Variants in CLDN14 observed in about 807,000 individuals in gnomAD.
CLDN14 encodes the protein claudin 14, also known as claudin-14.
Under a neutral mutation model 2.1 loss-of-function variants are expected in CLDN14, and 2 were observed. That is an observed-to-expected ratio of 0.96 (90% CI 0.39 to 3.01). CLDN14 has a LOEUF of 3.01. Ranked by LOEUF, CLDN14 falls within the 30% of genes most tolerant of loss-of-function variation. The pLI is 0.09. For missense variants in CLDN14, 298 were observed against 328.0 expected, an observed-to-expected ratio of 0.91 and a Z score of 0.71; for synonymous variants, 136 against 154.4, an observed-to-expected ratio of 0.88 and a Z score of 0.88.
At chr21:36,504,336 C>A (rs1437848945) in intron 2 of CLDN14, among the ~76,000 whole-genome samples, 1 of 151,848 alleles carries the variant, frequency 6.6e-6, no homozygotes, top group African/African-American at 2.4e-5. Context: ...AAGTTAAAAA[C>A]AAGAAAAAAA....
chr21:36,556,072 C>T (rs975021008), intron 1 of CLDN14, among the ~76,000 whole-genome samples: 3 of 152,094 alleles, frequency 2.0e-5, no homozygotes, highest in Admixed American at 6.6e-5. Flanking sequence ...TATTGGTGGT[C>T]GGTGACTAAT....
intron 1 of CLDN14, among the ~76,000 whole-genome samples, chr21:36,541,444 A>G (rs996397917): frequency 1.3e-5 from 2 of 152,212 alleles, no homozygotes; most frequent in East Asian, 3.8e-4. Flanking sequence ...CTGCAACTAC[A>G]AGCAAAAAAC....
At chr21:36,571,498 C>G (rs929074366) in intron 1 of CLDN14, among the ~76,000 whole-genome samples, 1 of 152,162 alleles carries the variant, frequency 6.6e-6, no homozygotes, top group Non-Finnish European at 1.5e-5. Flanking sequence ...CTTACGAAAT[C>G]CCAAGCGAAC....
At chr21:36,527,565 C>T (rs568232028) in intron 1 of CLDN14, among the ~76,000 whole-genome samples, 2 of 152,330 alleles carry the variant, frequency 1.3e-5, no homozygotes, top group East Asian at 3.9e-4. Flanking sequence ...TTCCCATTTC[C>T]CGTCGATTAC....
intron 2 of CLDN14, among the ~76,000 whole-genome samples, chr21:36,496,083 A>C (rs1319093383): frequency 6.6e-6 from 1 of 152,108 alleles, no homozygotes; most frequent in African/African-American, 2.4e-5. Context: ...AAGCCATCGA[A>C]TTTGAAGTAC....
chr21:36,569,834 C>A (rs1487624632), intron 1 of CLDN14, among the ~76,000 whole-genome samples: 2 of 152,206 alleles, frequency 1.3e-5, no homozygotes, highest in Non-Finnish European at 2.9e-5. Flanking sequence ...AAATGTACAA[C>A]TTCAGCAGTG....
chr21:36,496,727 GAGGAAGGGAGGGAGGA>G (rs1555848255), intron 2 of CLDN14, among the ~76,000 whole-genome samples: 1 of 9,750 alleles, frequency 1.0e-4, no homozygotes. Context: ...GGAAGGGAGG[GAGGAAGGGAGGGAGGA>G]AGGAAGGGAG....
chr21:36,564,332 A>G (rs1400532992), intron 1 of CLDN14, among the ~76,000 whole-genome samples: 1 of 152,264 alleles, frequency 6.6e-6, no homozygotes, highest in Non-Finnish European at 1.5e-5. Context: ...ACTACCAGCT[A>G]TCGCTAAGCC....
chr21:36,529,292 C>A (rs1350859125), intron 1 of CLDN14, among the ~76,000 whole-genome samples: 2 of 149,198 alleles, frequency 1.3e-5, no homozygotes, highest in Admixed American at 6.7e-5. Flanking sequence ...AAAACCACAT[C>A]TTTTTTTTTT....
At chr21:36,513,324 A>G (rs1049308705) in intron 1 of CLDN14, among the ~76,000 whole-genome samples, 7 of 152,192 alleles carry the variant, frequency 4.6e-5, no homozygotes, top group Non-Finnish European at 7.3e-5. Flanking sequence ...ATGACTGGCA[A>G]TGCGGCAGCC....
At chr21:36,464,235 T>C (rs1334653429) in intron 1 of CLDN14, among the ~76,000 whole-genome samples, 2 of 152,196 alleles carry the variant, frequency 1.3e-5, no homozygotes, top group Non-Finnish European at 2.9e-5. Flanking sequence ...TCTGCCGTGA[T>C]TGTAAGTTTC....
rs186137111 is a variant in CLDN14, at chr21:36,524,413, C to T, written c.-219-13913G>A. On this transcript the variant is annotated intron_variant, in intron 1 of 2. Transcript: ENST00000342108. ...CAGGGATAACAGGCATGAGCCACGG[C>T]GCCTGGCCTGCCTCAGACTTTAACC... Among the ~76,000 whole-genome samples the T allele has an allele frequency of 7.9e-5, 12 of 152,336 alleles. No individual in the cohort carries two copies. The East Asian group carries it at 1.7e-3, about 22-fold the overall frequency.
At chr21:36,506,042 C>G (rs1319927914) in intron 2 of CLDN14, among the ~76,000 whole-genome samples, 2 of 152,186 alleles carry the variant, frequency 1.3e-5, no homozygotes, top group Non-Finnish European at 2.9e-5. Flanking sequence ...CAGTTATACT[C>G]CTAAAGTAAG....
rs1483826014 is a variant in CLDN14, at chr21:36,498,005, T to C, written c.-82+12358A>G. The stretch of plus-strand genomic sequence containing the variant: ...ACTGTTGTCAGCGAGAGGAAGATGC[T>C]TTTTTTTTTTTTGAGATGGAGTTTT... On this transcript the variant is annotated intron_variant, in intron 2 of 2. Coordinates refer to the CLDN14 transcript ENST00000342108. The surrounding 1 kb of genome is among the most constrained non-coding windows in gnomAD (Gnocchi z 4.9). 6.9e-6 allele frequency among the ~76,000 whole-genome samples: 1 copy of C among 144,306 alleles called. No homozygotes were observed. The highest frequency in any genetic ancestry group is 1.5e-5 in the Non-Finnish European group (1 of 65,194). The allele number at this position is 144,306 out of a possible 152,430, so 94.7% of individuals were successfully genotyped here.
chr21:36,461,753 G>C lies in CLDN14; in HGVS notation c.-58C>G. ...CTCCCTGGGCCCTCGGGGTCACGCC[G>C]CTCCTCAGGTGCCAGCCGGAGCCCT... On this transcript the variant is annotated 5_prime_UTR_variant, in exon 2 of 2. Transcript: ENST00000399135. The C allele has an allele frequency of 6.5e-7, 1 of 1,535,746 alleles. No homozygotes were observed. Among genetic ancestry groups the C allele is most frequent in the Non-Finnish European group, 8.8e-7 (1 of 1,142,654 alleles).
At chr21:36,541,212 T>G (rs2087485706) in intron 1 of CLDN14, among the ~76,000 whole-genome samples, 1 of 152,030 alleles carries the variant, frequency 6.6e-6, no homozygotes, top group African/African-American at 2.4e-5. Context: ...CCTCCTACCT[T>G]TCCGTCAGTC....
intron 1 of CLDN14, among the ~76,000 whole-genome samples, chr21:36,535,012 G>A (rs2087412930): frequency 6.6e-6 from 1 of 152,208 alleles, no homozygotes; most frequent in South Asian, 2.1e-4. Context: ...AAAAGGAGAG[G>A]TGGAAACAAC....
intron 1 of CLDN14, among the ~76,000 whole-genome samples, chr21:36,470,663 T>C (rs60267772): frequency 0.014 from 2,167 of 152,236 alleles, 36 homozygotes; most frequent in African/African-American, 0.047. Context: ...AGCTGAATGG[T>C]GGCACGGGGA....
At chr21:36,504,654 G>C (rs998548151) in intron 2 of CLDN14, among the ~76,000 whole-genome samples, 2 of 152,168 alleles carry the variant, frequency 1.3e-5, no homozygotes, top group Non-Finnish European at 2.9e-5. Context: ...TGGCTTGATA[G>C]AAAACAATTG....
Sources: gnomAD v4.1 joint callset for allele counts (sites outside exome capture counted in the v4.1 genomes callset) on GRCh38, gnomAD v4.1.1 for gene constraint, Gnocchi (gnomAD v3.1) non-coding constraint, MANE v1.5 for transcripts, NCBI Gene and HGNC (gene_info 2026-07-23, HGNC 2026-07-21) for gene names.